FRMD4B: variants seen among roughly 807,000 people sequenced by gnomAD.
FRMD4B encodes the protein FERM domain-containing protein 4B.
In FRMD4B, 74 loss-of-function variants were observed where a neutral mutation model predicts 141.5. The ratio of observed to expected loss-of-function variants is 0.52; its 90% CI spans 0.43 to 0.63. FRMD4B has a LOEUF of 0.63. Ranked by LOEUF, FRMD4B falls within the 30% of genes least tolerant of loss-of-function variation. FRMD4B has a pLI of 0.00. For synonymous variants in FRMD4B, 506 were observed against 467.9 expected (o/e 1.08, Z -1.05); for missense variants, 1,366 against 1,253.4 (o/e 1.09, Z -1.36).
intron 1 of FRMD4B, among the ~76,000 whole-genome samples, chr3:69,370,781 A>G (rs1703802084): frequency 1.3e-5 from 2 of 152,144 alleles, no homozygotes; most frequent in African/African-American, 2.4e-5. Flanking sequence ...CCGGGTCCCC[A>G]TCGTCTCTCA....
intron 1 of FRMD4B, among the ~76,000 whole-genome samples, chr3:69,336,930 T>C (rs1464468822): frequency 6.6e-6 from 1 of 151,990 alleles, no homozygotes; most frequent in Non-Finnish European, 1.5e-5. Context: ...GGCATCAGAG[T>C]GAGACTCTGT....
chr3:69,265,267 AAAATATATATATATATAT>A (rs71115671), intron 5 of FRMD4B, among the ~76,000 whole-genome samples: 1,940 of 23,690 alleles, frequency 0.082, 389 homozygotes, highest in Admixed American at 0.12. Context: ...AAAAAAAAAA[AAAATATATATATATATAT>A]ATATATATAT....
chr3:69,497,895 T>C lies in FRMD4B; in HGVS notation c.-129+44311A>G, dbSNP rs1257174371. 3.3e-5 allele frequency among the ~76,000 whole-genome samples: 5 copies of C among 152,202 alleles called. 1 individual carries two copies. Among genetic ancestry groups the C allele is most frequent in the Admixed American group, 2.6e-4 (4 of 15,276 alleles). ...GCCACCATGTCTGGCTGAACTCTTT[T>C]TGATGTTTCCAGAAACAATCCCCCA... On this transcript the variant is annotated intron_variant, in intron 1 of 5. Coordinates refer to the FRMD4B transcript ENST00000459638.
intron 5 of FRMD4B, among the ~76,000 whole-genome samples, chr3:69,272,228 A>G (rs1294611068): frequency 6.6e-6 from 1 of 152,060 alleles, no homozygotes; most frequent in African/African-American, 2.4e-5. Flanking sequence ...TGCAACCTCT[A>G]CCACCTGGGT....
At chr3:69,525,806 C>T (rs775048989) in intron 1 of FRMD4B, among the ~76,000 whole-genome samples, 17 of 151,814 alleles carry the variant, frequency 1.1e-4, no homozygotes, top group Non-Finnish European at 2.2e-4. Flanking sequence ...ATGTGTGCCA[C>T]CATGCCTGGC....
intron 1 of FRMD4B, among the ~76,000 whole-genome samples, chr3:69,455,547 A>G (rs1259486281): frequency 1.3e-5 from 2 of 152,148 alleles, no homozygotes; most frequent in African/African-American, 4.8e-5. Context: ...GGTAAGAAGG[A>G]AGAAACTACG....
chr3:69,280,084 G>A (rs2093637784), intron 5 of FRMD4B, among the ~76,000 whole-genome samples: 1 of 151,968 alleles, frequency 6.6e-6, no homozygotes, highest in Non-Finnish European at 1.5e-5. Flanking sequence ...TAATAACCTG[G>A]GGCAAGCCTA....
intron 1 of FRMD4B, among the ~76,000 whole-genome samples, chr3:69,347,662 C>T (rs1702992248): frequency 1.3e-5 from 2 of 152,182 alleles, no homozygotes; most frequent in Admixed American, 6.5e-5. Flanking sequence ...CAAACTAGAA[C>T]TCAGGATTAA....
At chr3:69,391,423 G>C (rs1360179064) in intron 2 of FRMD4B, among the ~76,000 whole-genome samples, 1 of 108,238 alleles carries the variant, frequency 9.2e-6, no homozygotes, top group African/African-American at 3.8e-5. Context: ...GACAGGCCCC[G>C]GAGTGTGATG....
chr3:69,357,959 T>C (rs1362588159), intron 1 of FRMD4B, among the ~76,000 whole-genome samples: 1 of 152,188 alleles, frequency 6.6e-6, no homozygotes, highest in African/African-American at 2.4e-5. Flanking sequence ...GCAGAGGCCT[T>C]ACAAGGAAGT....
chr3:69,513,174 GA>G (rs757418807), intron 1 of FRMD4B, among the ~76,000 whole-genome samples: 5 of 151,532 alleles, frequency 3.3e-5, no homozygotes, highest in African/African-American at 9.7e-5. Flanking sequence ...GATGAACTAA[GA>G]AAAAAAGAGA....
At chr3:69,342,469 C>G (rs562811019) in intron 1 of FRMD4B, among the ~76,000 whole-genome samples, 7 of 152,114 alleles carry the variant, frequency 4.6e-5, no homozygotes, top group Non-Finnish European at 8.8e-5. Flanking sequence ...AAAAAGATTA[C>G]CCATTCATTA....
Position 69,181,220 on chromosome 3 carries a change from G to T in FRMD4B, c.2530C>A (p.His844Asn). The T allele has an allele frequency of 6.2e-7, 1 of 1,613,918 alleles. No homozygotes were observed. Among genetic ancestry groups the T allele is most frequent in the Non-Finnish European group, 8.5e-7 (1 of 1,179,852 alleles). The change falls in exon 21 of 23, where the codon CAC becomes AAC. Residue 844 changes from histidine to asparagine, a missense_variant. Transcript: ENST00000398540. ...TCCCTCTGGCGCTCATATCCATAGTGGGCTGAGGACCGGTAGGAAGGGTTG... is the reference window on the plus strand; with the variant it reads ...TCCCTCTGGCGCTCATATCCATAGTTGGCTGAGGACCGGTAGGAAGGGTTG... The part of the protein sequence containing the change: ...SVNPSYRSSA[H>N]YGYERQRDYS...
At chr3:69,230,176 C>T (rs931565431) in intron 7 of FRMD4B, among the ~76,000 whole-genome samples, 1 of 151,920 alleles carries the variant, frequency 6.6e-6, no homozygotes, top group African/African-American at 2.4e-5. Flanking sequence ...TGGGGTTTCA[C>T]CAAGTTGGCC....
At chr3:69,240,571 G>T (rs1447003373) in intron 7 of FRMD4B, among the ~76,000 whole-genome samples, 1 of 147,602 alleles carries the variant, frequency 6.8e-6, no homozygotes, top group Non-Finnish European at 1.5e-5. Context: ...GAAAGTCAAA[G>T]AAATGTGTTT....
At chr3:69,307,941 G>A (rs1336991888) in intron 3 of FRMD4B, among the ~76,000 whole-genome samples, 2 of 152,104 alleles carry the variant, frequency 1.3e-5, no homozygotes, top group African/African-American at 4.8e-5. Context: ...TCACCCTTGG[G>A]CAAATGTACC....
chr3:69,283,121 C>A (rs2093651688), intron 5 of FRMD4B, among the ~76,000 whole-genome samples: 1 of 152,020 alleles, frequency 6.6e-6, no homozygotes, highest in Admixed American at 6.6e-5. Context: ...CTGTGGCTCA[C>A]ACCTGTAATC....
chr3:69,294,185 C>A (rs907259450), intron 4 of FRMD4B, among the ~76,000 whole-genome samples: 1 of 152,162 alleles, frequency 6.6e-6, no homozygotes, highest in African/African-American at 2.4e-5. Flanking sequence ...TAAATCAAAA[C>A]ACCTCATTCT....
chr3:69,387,822 G>A (rs1449016161), upstream of FRMD4B, among the ~76,000 whole-genome samples: 1 of 152,118 alleles, frequency 6.6e-6, no homozygotes, highest in Non-Finnish European at 1.5e-5. Context: ...TTGCCCAAGA[G>A]TTTTTGTTGA....
Sources: allele counts gnomAD v4.1 joint callset (sites outside exome capture counted in the v4.1 genomes callset), GRCh38; gene constraint gnomAD v4.1.1; transcripts MANE v1.5; gene names NCBI Gene and HGNC (gene_info 2026-07-23, HGNC 2026-07-21).